CACNA2D3: variants seen among roughly 807,000 people sequenced by gnomAD.
CACNA2D3 encodes the protein voltage-dependent calcium channel subunit alpha-2/delta-3.
Under a neutral mutation model 160.6 loss-of-function variants are expected in CACNA2D3, and 60 were observed. That is an observed-to-expected ratio of 0.37 (90% confidence interval 0.30 to 0.46). CACNA2D3 has a LOEUF of 0.46. CACNA2D3 is among the 20% of genes least tolerant of loss of function. The probability of loss-of-function intolerance (pLI) is 1.00; values close to 1 mark genes in which losing one functional copy is unlikely to be tolerated. For missense variants in CACNA2D3, 1,205 were observed against 1,365.0 expected, an observed-to-expected ratio of 0.88 and a Z score of 1.85; for synonymous variants, 558 against 492.9, an observed-to-expected ratio of 1.13 and a Z score of -1.75.
intron 13 of CACNA2D3, among the ~76,000 whole-genome samples, chr3:54,795,156 T>C (rs2106656899): frequency 6.6e-6 from 1 of 152,310 alleles, no homozygotes; most frequent in African/African-American, 2.4e-5. Context: ...TCTTCTGCCA[T>C]GTCTCATCCT....
chr3:54,845,093 C>T (rs1045130992), intron 16 of CACNA2D3, among the ~76,000 whole-genome samples: 1 of 152,172 alleles, frequency 6.6e-6, no homozygotes, highest in African/African-American at 2.4e-5. Context: ...TCTTTCACAG[C>T]ATAATGAAAT....
chr3:55,038,864 C>CTATATATATATATATATA (rs10576329), intron 35 of CACNA2D3, among the ~76,000 whole-genome samples: 13 of 99,086 alleles, frequency 1.3e-4, no homozygotes, highest in African/African-American at 2.4e-4. Context: ...AGCCAGGATG[C>CTATATATATATATATATA]TATATATATA....
rs145457051 is a variant in CACNA2D3 at position 54,389,512 on chromosome 3, A to G, written c.381+2738A>G. ...ATCAATTACAAAGGGAAAAATAGCA[A>G]TTTTATTGTGGAGAAACCTGATAGA... On this transcript the variant is annotated intron_variant, in intron 4 of 37. Coordinates refer to ENST00000474759, the MANE Select transcript of CACNA2D3 (RefSeq NM_018398.3). Among the ~76,000 whole-genome samples the G allele has an allele frequency of 4.2e-3, 635 of 152,292 alleles. 1 individual carries two copies. Among genetic ancestry groups the G allele is most frequent in the Non-Finnish European group, 7.7e-3 (522 of 68,016 alleles).
chr3:54,478,322 C>A (rs1305839068), intron 4 of CACNA2D3, among the ~76,000 whole-genome samples: 1 of 151,980 alleles, frequency 6.6e-6, no homozygotes, highest in African/African-American at 2.4e-5. Flanking sequence ...ATGGCAAATT[C>A]CAGAAATAAT....
At chr3:54,977,734 T>C (rs1461419488) in intron 29 of CACNA2D3, among the ~76,000 whole-genome samples, 1 of 152,170 alleles carries the variant, frequency 6.6e-6, no homozygotes, top group Non-Finnish European at 1.5e-5. Context: ...ATGAGCATCA[T>C]GATGTTACCT....
intron 17 of CACNA2D3, among the ~76,000 whole-genome samples, chr3:54,855,643 A>G (rs551406927): frequency 6.6e-5 from 10 of 152,350 alleles, no homozygotes; most frequent in East Asian, 5.8e-4. Context: ...AAGGAAAAAG[A>G]AAAAGGAAGA....
At chr3:54,942,884 C>T (rs184183385) in intron 27 of CACNA2D3, among the ~76,000 whole-genome samples, 76 of 152,100 alleles carry the variant, frequency 5.0e-4, no homozygotes, top group African/African-American at 1.7e-3. Flanking sequence ...ATTAGCCAGG[C>T]GCGGTGGCAC....
intron 34 of CACNA2D3, among the ~76,000 whole-genome samples, chr3:55,011,413 G>T (rs9828370): frequency 6.6e-6 from 1 of 152,094 alleles, no homozygotes; most frequent in African/African-American, 2.4e-5. Flanking sequence ...GGGAACAAAG[G>T]TTTCTATGAT....
At chr3:54,460,485 C>T (rs1158053706) in intron 4 of CACNA2D3, among the ~76,000 whole-genome samples, 2 of 152,132 alleles carry the variant, frequency 1.3e-5, no homozygotes, top group Non-Finnish European at 2.9e-5. Flanking sequence ...TGAAGAGGTC[C>T]TTCACATCCC....
intron 2 of CACNA2D3, among the ~76,000 whole-genome samples, chr3:54,175,371 C>T (rs989325714): frequency 2.0e-5 from 3 of 151,936 alleles, no homozygotes; most frequent in Non-Finnish European, 4.4e-5. Flanking sequence ...AATCCCCGCG[C>T]TTTGGGAGAC....
intron 27 of CACNA2D3, among the ~76,000 whole-genome samples, chr3:54,956,875 C>T (rs370922515): frequency 1.3e-5 from 2 of 152,168 alleles, no homozygotes; most frequent in East Asian, 3.9e-4. Context: ...GAGCACACTA[C>T]ATCTTACAGT....
chr3:54,301,658 G>A (rs1703479250), intron 2 of CACNA2D3, among the ~76,000 whole-genome samples: 1 of 152,046 alleles, frequency 6.6e-6, no homozygotes, highest in South Asian at 2.1e-4. Context: ...ATGATTTCCC[G>A]TACTGGTTCC....
intron 35 of CACNA2D3, among the ~76,000 whole-genome samples, chr3:55,030,422 G>A (rs1401992691): frequency 6.6e-6 from 1 of 152,124 alleles, no homozygotes; most frequent in Non-Finnish European, 1.5e-5. Flanking sequence ...TTATGGGTAT[G>A]GGGCCAGGTT....
chr3:54,715,955 A>G (rs544284488), intron 11 of CACNA2D3, among the ~76,000 whole-genome samples: 81 of 152,320 alleles, frequency 5.3e-4, no homozygotes, highest in African/African-American at 1.9e-3. Flanking sequence ...TAGAAGATTA[A>G]TAAGTTCTGG....
At chr3:54,968,613 G>A in intron 28 of CACNA2D3, 102 bp downstream of exon 28, 1 of 813,920 alleles carries the variant, frequency 1.2e-6, no homozygotes, top group Non-Finnish European at 2.0e-6. Context: ...TCCGATGAAT[G>A]TTTGTAAAAT....
chr3:54,919,158 C>T (rs1456930715), intron 27 of CACNA2D3, among the ~76,000 whole-genome samples: 1 of 152,142 alleles, frequency 6.6e-6, no homozygotes, highest in African/African-American at 2.4e-5. Flanking sequence ...TCTCTAAATG[C>T]TCAGAGAAAA....
chr3:54,856,603 C>T (rs1699176338), intron 17 of CACNA2D3, among the ~76,000 whole-genome samples: 1 of 152,126 alleles, frequency 6.6e-6, no homozygotes, highest in Non-Finnish European at 1.5e-5. Flanking sequence ...TTTTCATTCT[C>T]ATAGAGAAGA....
chr3:54,193,939 G>T (rs1419240957), intron 2 of CACNA2D3, among the ~76,000 whole-genome samples: 1 of 152,152 alleles, frequency 6.6e-6, no homozygotes, highest in Non-Finnish European at 1.5e-5. Context: ...TCAGGGTCTG[G>T]CCCATAGTTG....
intron 8 of CACNA2D3, among the ~76,000 whole-genome samples, chr3:54,578,600 C>T (rs540241214): frequency 6.6e-6 from 1 of 152,344 alleles, no homozygotes; most frequent in Non-Finnish European, 1.5e-5. Flanking sequence ...CCGGCTCCCT[C>T]TGGTGATACA....
Sources: gnomAD v4.1 joint callset for allele counts (sites outside exome capture counted in the v4.1 genomes callset) on GRCh38, gnomAD v4.1.1 for gene constraint, MANE v1.5 for transcripts, NCBI Gene and HGNC (gene_info 2026-07-23, HGNC 2026-07-21) for gene names.